PGAP1: variants seen among roughly 807,000 people sequenced by gnomAD.
PGAP1 encodes the protein GPI inositol-deacylase.
A neutral mutation model predicts 127.0 loss-of-function variants in PGAP1; 76 were observed. That is an observed-to-expected ratio of 0.60 (90% CI 0.50 to 0.72). PGAP1 has a LOEUF of 0.72. PGAP1 is among the 30% of genes least tolerant of loss of function. PGAP1 has a pLI of 0.00. For synonymous variants in PGAP1, 362 were observed against 366.5 expected (o/e 0.99, Z 0.14); for missense variants, 982 against 1,071.3 (o/e 0.92, Z 1.16).
chr2:196,845,809 T>A, intron 23 of PGAP1, 73 bp downstream of exon 23: 1 of 1,304,198 alleles, frequency 7.7e-7, no homozygotes, highest in Non-Finnish European at 1.0e-6. Flanking sequence ...TTGTTAACAA[T>A]GCCTACGGAA....
chr2:196,860,020 C>A (rs1233479218), intron 20 of PGAP1, among the ~76,000 whole-genome samples: 1 of 151,584 alleles, frequency 6.6e-6, no homozygotes, highest in Non-Finnish European at 1.5e-5. Flanking sequence ...AGCAACTAGG[C>A]AAGAGAAAGA....
chr2:196,898,116 C>T (rs753634521), intron 6 of PGAP1, among the ~76,000 whole-genome samples: 1 of 152,006 alleles, frequency 6.6e-6, no homozygotes, highest in African/African-American at 2.4e-5. Context: ...GCTTGGGAGG[C>T]TGAGGCATGA....
Position 196,838,671 on chromosome 2 carries a change from A to C in PGAP1, c.*2563T>G, listed in dbSNP as rs1246027604. 6.6e-6 allele frequency: 1 copy of C among 152,238 alleles called. No homozygotes were observed. The highest frequency in any genetic ancestry group is 2.4e-5 in the African/African-American group (1 of 41,454). 9.4% of individuals were successfully genotyped at this position (152,238 alleles called of 1,614,324 possible). A position where few individuals can be genotyped will look rare whatever the true frequency, so the allele number is the denominator to read the frequency against. On this transcript the variant is annotated 3_prime_UTR_variant, in exon 27 of 27. Coordinates refer to ENST00000354764, the MANE Select transcript of PGAP1 (RefSeq NM_024989.4). The stretch of plus-strand genomic sequence containing the variant: ...AATGAAATTTTTTTTGGCATAAATA[A>C]TACTTTAGGACTTGGTGATAACTAC...
intron 12 of PGAP1, among the ~76,000 whole-genome samples, chr2:196,884,231 C>T (rs1701824019): frequency 6.6e-6 from 1 of 152,058 alleles, no homozygotes; most frequent in African/African-American, 2.4e-5. Context: ...AAAAAATCAC[C>T]TATACCCCTC....
At chr2:196,916,663 T>C in intron 2 of PGAP1, 70 bp from the exon 3 acceptor site, 1 of 1,418,020 alleles carries the variant, frequency 7.1e-7, no homozygotes, top group Non-Finnish European at 9.3e-7. Context: ...TCTTCAGAAT[T>C]TCTTAGTAAA....
intron 20 of PGAP1, among the ~76,000 whole-genome samples, chr2:196,852,669 A>C (rs1297133598): frequency 6.6e-6 from 1 of 152,092 alleles, no homozygotes; most frequent in Non-Finnish European, 1.5e-5. Context: ...AATAGAAACA[A>C]GATAGAAAGG....
chr2:196,848,893 C>T (rs1700635054), intron 20 of PGAP1, among the ~76,000 whole-genome samples: 1 of 152,170 alleles, frequency 6.6e-6, no homozygotes. Context: ...CTGTTTTTCA[C>T]AGTAGCGACA....
chr2:196,843,846 T>C (rs1700482715), intron 25 of PGAP1, 42 bp downstream of exon 25: 2 of 1,277,818 alleles, frequency 1.6e-6, no homozygotes, highest in Non-Finnish European at 2.1e-6. Flanking sequence ...GGATATTTAT[T>C]GTTTGAACCA....
chr2:196,887,314 G>C (rs1259639301), intron 10 of PGAP1, among the ~76,000 whole-genome samples: 2 of 152,082 alleles, frequency 1.3e-5, no homozygotes, highest in Non-Finnish European at 2.9e-5. Flanking sequence ...AACCTGGGAG[G>C]CGGAGCTTGC....
rs1162236536 is a variant in PGAP1 at position 196,847,986 on chromosome 2, T to G, written c.1913A>C (p.Lys638Thr). 1.1e-5 allele frequency: 18 copies of G among 1,601,604 alleles called. No homozygotes were observed. The highest frequency in any genetic ancestry group is 1.5e-5 in the Non-Finnish European group (18 of 1,175,630). The change falls in exon 21 of 27, where the codon AAA becomes ACA. Residue 638 changes from lysine (K) to threonine (T), a missense_variant. Lys to Thr is a moderately conservative substitution (Grantham distance 78). Coordinates refer to ENST00000354764, the MANE Select transcript of PGAP1 (RefSeq NM_024989.4). ...AATGATAATTACAAAAGGATCAACT[T>G]TGTATGGTTTGGCTTCTTTATCCAA... is the stretch of plus-strand genomic sequence containing the variant. ...TMLDKEAKPY[K>T]VDPFVIIIKF...
chr2:196,922,094 A>T, intron 1 of PGAP1: 1 of 1,220,910 alleles, frequency 8.2e-7, no homozygotes, highest in Non-Finnish European at 1.1e-6. Flanking sequence ...CCATATTAAG[A>T]TCAATTACCT....
intron 4 of PGAP1, among the ~76,000 whole-genome samples, chr2:196,905,602 G>C (rs888388153): frequency 3.3e-5 from 5 of 152,174 alleles, no homozygotes; most frequent in African/African-American, 7.2e-5. Context: ...GAGGAGCCAA[G>C]ATGGCCGAAT....
In PGAP1 at chr2:196,904,801, T is replaced by TG. The variant is rs140982390; in HGVS notation, c.650-2060dup. On this transcript the variant is annotated intron_variant, in intron 4 of 26. Coordinates refer to ENST00000354764, the MANE Select transcript of PGAP1 (RefSeq NM_024989.4). ...CAGAAGTAAAGATACAGGCTCCACGTGGGGAGGCTACTTAGCCTTCATACT... is the reference window on the plus strand; with the variant it reads ...CAGAAGTAAAGATACAGGCTCCACGTGGGGGAGGCTACTTAGCCTTCATACT... Among the ~76,000 whole-genome samples the TG allele has an allele frequency of 6.1e-3, 933 of 151,900 alleles. 10 individuals are homozygous for TG. The highest frequency in any genetic ancestry group is 0.021 in the African/African-American group (885 of 41,416).
chr2:196,897,527 G>A (rs1482945702), intron 6 of PGAP1, among the ~76,000 whole-genome samples: 3 of 152,008 alleles, frequency 2.0e-5, no homozygotes, highest in East Asian at 1.9e-4. Context: ...ACTACTGCTC[G>A]CACAGCCAGA....
At chr2:196,885,682 A>G (rs1444926679) in intron 11 of PGAP1, 152 bp downstream of exon 11, 2 of 639,300 alleles carry the variant, frequency 3.1e-6, no homozygotes, top group East Asian at 3.2e-5. Flanking sequence ...AATTACTAGT[A>G]TATTCATTTC....
rs1700232992 is a variant in PGAP1 at position 196,836,233 on chromosome 2, T to A, written c.*5001A>T. The stretch of plus-strand genomic sequence containing the variant: ...TTAATTGGTATTTCAAAACACAGAT[T>A]GTTTTTGGCAGCATAACATGCCAAA... On this transcript the variant is annotated 3_prime_UTR_variant, in exon 27 of 27. Coordinates refer to ENST00000354764, the MANE Select transcript of PGAP1 (RefSeq NM_024989.4). 1 of 152,526 alleles carries A rather than the reference T, an allele frequency of 6.6e-6. No homozygotes were observed. The highest frequency in any genetic ancestry group is 1.5e-5 in the Non-Finnish European group (1 of 67,944). 9.4% of individuals were successfully genotyped at this position (152,526 alleles called of 1,614,324 possible).
intron 12 of PGAP1, 69 bp downstream of exon 12, chr2:196,885,355 A>G: frequency 9.9e-7 from 1 of 1,011,750 alleles, no homozygotes; most frequent in Non-Finnish European, 1.5e-6. Context: ...GAAAGAGAAT[A>G]TTTTAAAATG....
intron 19 of PGAP1, among the ~76,000 whole-genome samples, chr2:196,867,966 T>G (rs569531857): frequency 1.3e-5 from 2 of 152,296 alleles, no homozygotes; most frequent in East Asian, 3.9e-4. Context: ...TACCAAATCA[T>G]ACATGACAAG....
At chr2:196,895,911 A>AGACTACTTAAAAG (rs1436539717) in intron 7 of PGAP1, among the ~76,000 whole-genome samples, 1 of 152,224 alleles carries the variant, frequency 6.6e-6, no homozygotes, top group African/African-American at 2.4e-5. Context: ...CTACTTAAAA[A>AGACTACTTAAAAG]AGAAGGAATT....
Sources: gnomAD v4.1 joint callset for allele counts (sites outside exome capture counted in the v4.1 genomes callset) on GRCh38, gnomAD v4.1.1 for gene constraint, MANE v1.5 for transcripts, NCBI Gene and HGNC (gene_info 2026-07-23, HGNC 2026-07-21) for gene names.